LPAR1: variants seen among roughly 807,000 people sequenced by gnomAD.
LPAR1 encodes lysophosphatidic acid receptor 1.
Under a neutral mutation model 23.8 loss-of-function variants are expected in LPAR1, and 5 were observed. The observed-to-expected ratio is 0.21, with a 90% CI of 0.11 to 0.44. The LOEUF is 0.44. LPAR1 is among the 20% of genes least tolerant of loss of function. The pLI, the probability that LPAR1 is intolerant of heterozygous loss-of-function variation, is 0.99. For missense variants in LPAR1, 311 were observed against 482.8 expected (o/e 0.64, Z 3.33); for synonymous variants, 160 against 164.7 (o/e 0.97, Z 0.22).
At chr9:111,028,544 T>C (rs935434216) in intron 2 of LPAR1, among the ~76,000 whole-genome samples, 1 of 152,218 alleles carries the variant, frequency 6.6e-6, no homozygotes, top group African/African-American at 2.4e-5. Flanking sequence ...ACTTGTCTTT[T>C]TTCTATCTTG....
intron 2 of LPAR1, among the ~76,000 whole-genome samples, chr9:111,001,491 G>A (rs180856865): frequency 7.3e-4 from 111 of 152,202 alleles, no homozygotes; most frequent in African/African-American, 2.6e-3. Flanking sequence ...ACATTACAGT[G>A]GGGACATAAA....
In LPAR1 at chr9:110,932,243, T is replaced by C. The variant is rs1420612755; in HGVS notation, c.793+9178A>G. On this transcript the variant is annotated intron_variant, in intron 5 of 5. Transcript: ENST00000683809. ...AGCAAATATCTAGAGTGCCAGGACC[T>C]ATTCTAGGTGCTGGGAAGTAAGATA... Among the ~76,000 whole-genome samples, 3 of 152,228 alleles carry C rather than the reference T, an allele frequency of 2.0e-5. No homozygotes were observed. The East Asian group carries it at 5.8e-4, about 29-fold the overall frequency.
chr9:110,949,919 T>C (rs894155222), intron 4 of LPAR1, among the ~76,000 whole-genome samples: 1 of 152,166 alleles, frequency 6.6e-6, no homozygotes, highest in African/African-American at 2.4e-5. Flanking sequence ...TTAACCACTC[T>C]AACAAATTGA....
chr9:111,023,053 C>CAAAAAA (rs35394780), intron 2 of LPAR1, among the ~76,000 whole-genome samples: 5 of 56,690 alleles, frequency 8.8e-5, no homozygotes, highest in African/African-American at 1.4e-4. Flanking sequence ...TCCGTCTCAA[C>CAAAAAA]AAAAAAAAAA....
chr9:110,889,781 T>C (rs62573180), intron 5 of LPAR1, among the ~76,000 whole-genome samples: 26,479 of 152,152 alleles, frequency 0.17, 2,600 homozygotes, highest in African/African-American at 0.25. Flanking sequence ...ACAAATCACA[T>C]ACCCTAATTA....
At chr9:110,977,360 G>A (rs905588597) in intron 2 of LPAR1, among the ~76,000 whole-genome samples, 2 of 152,056 alleles carry the variant, frequency 1.3e-5, no homozygotes, top group Non-Finnish European at 2.9e-5. Context: ...GAAAACACAT[G>A]GGAAAAAGAC....
intron 3 of LPAR1, among the ~76,000 whole-genome samples, chr9:110,973,060 C>T (rs550599288): frequency 3.3e-5 from 5 of 152,300 alleles, no homozygotes; most frequent in African/African-American, 9.6e-5. Flanking sequence ...TGTGGAATCG[C>T]AGGACAAAGG....
chr9:110,969,538 C>T (rs1271301408), intron 4 of LPAR1, among the ~76,000 whole-genome samples: 3 of 151,764 alleles, frequency 2.0e-5, no homozygotes, highest in Admixed American at 6.6e-5. Context: ...ATGGTGAAAC[C>T]CCGTCTCTAC....
At chr9:110,881,364 A>G (rs2080779119) in intron 5 of LPAR1, among the ~76,000 whole-genome samples, 1 of 152,214 alleles carries the variant, frequency 6.6e-6, no homozygotes. Context: ...GCTCTAAAGC[A>G]GAGCAGAATA....
intron 4 of LPAR1, among the ~76,000 whole-genome samples, chr9:110,946,918 TTTCTC>T (rs2136388862): frequency 6.6e-6 from 1 of 152,290 alleles, no homozygotes; most frequent in East Asian, 1.9e-4. Flanking sequence ...ACATATTAAT[TTTCTC>T]TTATTACTCA....
chr9:110,977,551 G>A (rs2096577401), intron 2 of LPAR1, among the ~76,000 whole-genome samples: 1 of 152,038 alleles, frequency 6.6e-6, no homozygotes, highest in African/African-American at 2.4e-5. Flanking sequence ...ATTCATAATT[G>A]GTAAATTAAT....
rs532374118 is a variant in LPAR1, at chr9:110,941,412, A to G, written c.793+9T>C. 1.9e-6 allele frequency: 3 copies of G among 1,600,654 alleles called. No homozygotes were observed. The South Asian group carries it at 3.4e-5, about 18-fold the overall frequency. ...CTATAAAGTAAGTTACAGTCAAGAC[A>G]GAACTTACCAAGCACAATGACCACA... On this transcript the variant is annotated intron_variant, in intron 5 of 5. Transcript: ENST00000683809. The surrounding 1 kb of genome is among the most constrained non-coding windows in gnomAD (Gnocchi z 6.1).
At chr9:111,022,893 G>A (rs1264415380) in intron 2 of LPAR1, among the ~76,000 whole-genome samples, 5 of 151,110 alleles carry the variant, frequency 3.3e-5, no homozygotes, top group African/African-American at 1.2e-4. Context: ...TACTAAAAAT[G>A]CAAAAAAAAA....
rs187211481 is a variant in LPAR1 at position 110,932,917 on chromosome 9, T to G, written c.793+8504A>C. On this transcript the variant is annotated intron_variant, in intron 5 of 5. Transcript: ENST00000683809. The stretch of plus-strand genomic sequence containing the variant: ...CCACTGCCCTAGATGATGCCTGGGC[T>G]TTCAGCTGTGCCTTAAGTACTGCAG... Among the ~76,000 whole-genome samples, 472 of 152,378 alleles carry G rather than the reference T, an allele frequency of 3.1e-3. 3 individuals carry two copies. Among genetic ancestry groups the G allele is most frequent in the Non-Finnish European group, 4.1e-3 (281 of 68,042 alleles).
At chr9:110,989,914 C>T (rs576900366) in intron 2 of LPAR1, among the ~76,000 whole-genome samples, 2 of 151,734 alleles carry the variant, frequency 1.3e-5, no homozygotes, top group South Asian at 4.2e-4. Context: ...AACGAAATAC[C>T]CAGCTAACAC....
intron 5 of LPAR1, among the ~76,000 whole-genome samples, chr9:110,883,923 CT>C (rs72157511): frequency 0.14 from 20,667 of 151,506 alleles, 1,797 homozygotes; most frequent in South Asian, 0.19. Flanking sequence ...TAACGTACAT[CT>C]TTTTTTTGGA....
At chr9:110,944,808 T>C (rs753937949) in intron 4 of LPAR1, among the ~76,000 whole-genome samples, 5 of 152,218 alleles carry the variant, frequency 3.3e-5, no homozygotes, top group Non-Finnish European at 5.9e-5. Flanking sequence ...ATAAAAACCA[T>C]ACATATTTAA....
chr9:110,992,880 G>A (rs1236680468), intron 2 of LPAR1, among the ~76,000 whole-genome samples: 1 of 152,144 alleles, frequency 6.6e-6, no homozygotes, highest in East Asian at 1.9e-4. Context: ...AAAAGCTGAG[G>A]AGTGTTGGAT....
chr9:110,891,763 A>T (rs2084241267), intron 5 of LPAR1, among the ~76,000 whole-genome samples: 1 of 152,194 alleles, frequency 6.6e-6, no homozygotes, highest in Non-Finnish European at 1.5e-5. Flanking sequence ...GAAAATGTAT[A>T]AATGGCGCAT....
Sources: allele counts gnomAD v4.1 joint callset (sites outside exome capture counted in the v4.1 genomes callset), GRCh38; gene constraint gnomAD v4.1.1; non-coding constraint Gnocchi (gnomAD v3.1); transcripts MANE v1.5; gene names NCBI Gene and HGNC (gene_info 2026-07-23, HGNC 2026-07-21).